The following CHCHD3 variants were observed in gnomAD, a reference collection of about 807,000 sequenced individuals.
CHCHD3 encodes the protein coiled-coil-helix-coiled-coil-helix domain containing 3, also known as MICOS complex subunit MIC19.
Under a neutral mutation model 38.2 loss-of-function variants are expected in CHCHD3, and 20 were observed. The observed-to-expected ratio is 0.52, with a 90% CI of 0.37 to 0.76. CHCHD3 has a LOEUF of 0.76. Ranked by LOEUF, CHCHD3 falls within the 30% of genes least tolerant of loss-of-function variation. CHCHD3 has a pLI of 0.00. For synonymous variants in CHCHD3, 82 were observed against 100.0 expected (o/e 0.82, Z 1.07); for missense variants, 245 against 279.2 (o/e 0.88, Z 0.87).
chr7:133,016,510 A>C (rs529451645), intron 3 of CHCHD3, among the ~76,000 whole-genome samples: 51 of 152,232 alleles, frequency 3.4e-4, no homozygotes, highest in Non-Finnish European at 5.7e-4. Context: ...TATCAAACAG[A>C]AATTTAAGAT....
chr7:133,074,396 T>C (rs761943375), intron 1 of CHCHD3, among the ~76,000 whole-genome samples: 2 of 152,166 alleles, frequency 1.3e-5, no homozygotes, highest in Admixed American at 6.5e-5. Context: ...GACTTTCTAT[T>C]TGAAAATGCC....
rs144059524 is a variant in CHCHD3, at chr7:132,983,970, C to T, written c.252-8684G>A. Among the ~76,000 whole-genome samples the T allele has an allele frequency of 2.1e-3, 317 of 151,942 alleles. 2 individuals are homozygous for T. The highest frequency in any genetic ancestry group is 7.4e-3 in the African/African-American group (305 of 41,402). On this transcript the variant is annotated intron_variant, in intron 3 of 7. Transcript: ENST00000262570. ...ATACAACTTCTCGGAAAGGCTCCTC[C>T]TCTCCCTCTCCCTCCTCTCCCTCTC...
At chr7:133,014,579 A>G (rs1812975069) in intron 3 of CHCHD3, among the ~76,000 whole-genome samples, 1 of 152,176 alleles carries the variant, frequency 6.6e-6, no homozygotes, top group African/African-American at 2.4e-5. Context: ...CAAAAGGCAA[A>G]TAAATACTAA....
At chr7:133,017,774 T>C (rs1269819143) in intron 3 of CHCHD3, among the ~76,000 whole-genome samples, 1 of 152,116 alleles carries the variant, frequency 6.6e-6, no homozygotes, top group Non-Finnish European at 1.5e-5. Context: ...GAAAGAAAAT[T>C]GGATTTGAAA....
chr7:132,913,778 G>A (rs1810026881), intron 4 of CHCHD3, among the ~76,000 whole-genome samples: 1 of 152,076 alleles, frequency 6.6e-6, no homozygotes, highest in Admixed American at 6.6e-5. Context: ...AGGCTTTTAA[G>A]ATAGACTGAA....
At chr7:133,060,842 G>A (rs1814484999) in intron 2 of CHCHD3, among the ~76,000 whole-genome samples, 2 of 152,238 alleles carry the variant, frequency 1.3e-5, no homozygotes, top group Admixed American at 6.5e-5. Flanking sequence ...CCTGGGAGGT[G>A]GAGGTTGCAG....
intron 6 of CHCHD3, among the ~76,000 whole-genome samples, chr7:132,803,164 G>A (rs912979533): frequency 5.3e-5 from 8 of 152,008 alleles, no homozygotes; most frequent in Non-Finnish European, 1.2e-4. Context: ...GTAGCCCTTG[G>A]TTATAATAAT....
chr7:132,793,601 T>C (rs1806521998), intron 7 of CHCHD3, among the ~76,000 whole-genome samples: 1 of 152,196 alleles, frequency 6.6e-6, no homozygotes, highest in Non-Finnish European at 1.5e-5. Context: ...GGCTAAGGAA[T>C]ATCCGGAAAT....
intron 4 of CHCHD3, among the ~76,000 whole-genome samples, chr7:132,955,799 G>A (rs778920432): frequency 1.3e-5 from 2 of 152,102 alleles, no homozygotes; most frequent in Non-Finnish European, 2.9e-5. Flanking sequence ...GGAGCAAGGT[G>A]GGGGATCAGC....
intron 5 of CHCHD3, among the ~76,000 whole-genome samples, chr7:132,873,612 T>C (rs1290728732): frequency 1.3e-5 from 2 of 151,928 alleles, no homozygotes; most frequent in African/African-American, 2.4e-5. Flanking sequence ...GACACTGATA[T>C]TACTATTTCT....
At chr7:132,997,713 A>G (rs1031612468) in intron 3 of CHCHD3, among the ~76,000 whole-genome samples, 5 of 150,064 alleles carry the variant, frequency 3.3e-5, no homozygotes, top group African/African-American at 1.2e-4. Context: ...ATGTGTTCAC[A>G]GCAATCCAGA....
At chr7:132,809,605 G>A (rs1440002277) in intron 6 of CHCHD3, among the ~76,000 whole-genome samples, 1 of 152,106 alleles carries the variant, frequency 6.6e-6, no homozygotes, top group African/African-American at 2.4e-5. Context: ...GATGTTGCAA[G>A]AAAGAGTACC....
chr7:132,867,084 T>A (rs1297049582), intron 5 of CHCHD3, among the ~76,000 whole-genome samples: 1 of 152,190 alleles, frequency 6.6e-6, no homozygotes, highest in African/African-American at 2.4e-5. Flanking sequence ...CCACTTGACA[T>A]AAAATATATT....
intron 4 of CHCHD3, among the ~76,000 whole-genome samples, chr7:132,949,145 C>T (rs1224343646): frequency 2.0e-5 from 3 of 152,130 alleles, no homozygotes; most frequent in Non-Finnish European, 4.4e-5. Context: ...GTGGCAGATA[C>T]TAACTCTTCA....
At chr7:132,954,744 G>A (rs374834572) in intron 4 of CHCHD3, among the ~76,000 whole-genome samples, 1 of 152,146 alleles carries the variant, frequency 6.6e-6, no homozygotes, top group Non-Finnish European at 1.5e-5. Flanking sequence ...GTCCCACTGA[G>A]GGGCCAAGTA....
At chr7:132,903,527 G>C (rs1475094427) in intron 4 of CHCHD3, among the ~76,000 whole-genome samples, 6 of 152,120 alleles carry the variant, frequency 3.9e-5, no homozygotes, top group Non-Finnish European at 5.9e-5. Flanking sequence ...CATGAACACA[G>C]AATTTCTGAC....
intron 1 of CHCHD3, among the ~76,000 whole-genome samples, chr7:133,074,805 G>GA (rs142751033): frequency 0.026 from 3,949 of 152,124 alleles, 144 homozygotes; most frequent in African/African-American, 0.082. Flanking sequence ...ATTTTCATCT[G>GA]AAAAAAATGA....
intron 6 of CHCHD3, among the ~76,000 whole-genome samples, chr7:132,836,420 C>A (rs542206107): frequency 6.6e-6 from 1 of 151,148 alleles, no homozygotes; most frequent in Non-Finnish European, 1.5e-5. Context: ...ACGCCTGGCG[C>A]CATGTCTAAA....
intron 4 of CHCHD3, among the ~76,000 whole-genome samples, chr7:132,967,165 T>A (rs1029843917): frequency 6.6e-6 from 1 of 152,190 alleles, no homozygotes; most frequent in African/African-American, 2.4e-5. Context: ...ACTTGATGAA[T>A]TTTCAAAATC....
Sources: allele counts gnomAD v4.1 joint callset (sites outside exome capture counted in the v4.1 genomes callset), GRCh38; gene constraint gnomAD v4.1.1; transcripts MANE v1.5; gene names NCBI Gene and HGNC (gene_info 2026-07-23, HGNC 2026-07-21).